Variants in INPP4B observed in about 807,000 individuals in gnomAD.
INPP4B encodes the protein inositol polyphosphate 4-phosphatase type II.
Under a neutral mutation model 122.5 loss-of-function variants are expected in INPP4B, and 55 were observed. The observed-to-expected ratio is 0.45, with a 90% CI of 0.36 to 0.56. INPP4B has a LOEUF of 0.56. Among genes scored for constraint, INPP4B ranks in the 20% least tolerant of loss-of-function variants. INPP4B has a pLI of 0.00. For missense variants in INPP4B, 1,000 were observed against 1,097.7 expected, an observed-to-expected ratio of 0.91 and a Z score of 1.26; for synonymous variants, 403 against 388.7, an observed-to-expected ratio of 1.04 and a Z score of -0.43.
At chr4:142,783,792 A>G (rs1580906688) in intron 1 of INPP4B, among the ~76,000 whole-genome samples, 1 of 152,132 alleles carries the variant, frequency 6.6e-6, no homozygotes, top group South Asian at 2.1e-4. Context: ...TTTCTTACCA[A>G]TTATTGAGGT....
At chr4:142,139,029 A>G (rs1159242865) in intron 18 of INPP4B, among the ~76,000 whole-genome samples, 3 of 152,050 alleles carry the variant, frequency 2.0e-5, no homozygotes, top group Non-Finnish European at 4.4e-5. Context: ...TAAGTCTTTT[A>G]TCTTGTAAGT....
intron 7 of INPP4B, among the ~76,000 whole-genome samples, chr4:142,385,007 T>C (rs1795485394): frequency 6.6e-6 from 1 of 152,200 alleles, no homozygotes; most frequent in South Asian, 2.1e-4. Flanking sequence ...ATCCAGTCTA[T>C]GGTTGATGGG....
intron 2 of INPP4B, chr4:142,473,285 G>C (rs1447153758): frequency 2.0e-5 from 3 of 152,364 alleles, no homozygotes; most frequent in African/African-American, 4.8e-5. Context: ...AACCACATCA[G>C]AATCCATCAA....
intron 7 of INPP4B, among the ~76,000 whole-genome samples, chr4:142,368,439 C>A (rs190944666): frequency 2.0e-5 from 3 of 152,038 alleles, no homozygotes; most frequent in Non-Finnish European, 4.4e-5. Flanking sequence ...ATAATAATGT[C>A]TTTTTCATCA....
intron 7 of INPP4B, among the ~76,000 whole-genome samples, chr4:142,392,780 T>C (rs1166017920): frequency 6.6e-6 from 1 of 152,244 alleles, no homozygotes; most frequent in Non-Finnish European, 1.5e-5. Flanking sequence ...GAAAAGTATC[T>C]GGGCAGCTGC....
At chr4:142,052,335 T>A (rs1342411505) in intron 25 of INPP4B, among the ~76,000 whole-genome samples, 1 of 152,056 alleles carries the variant, frequency 6.6e-6, no homozygotes, top group East Asian at 1.9e-4. Flanking sequence ...TAAACTAGCT[T>A]ATTTATTCCC....
At chr4:142,641,276 T>A (rs1185895101) in intron 2 of INPP4B, among the ~76,000 whole-genome samples, 1 of 152,102 alleles carries the variant, frequency 6.6e-6, no homozygotes, top group South Asian at 2.1e-4. Flanking sequence ...TCATTTTATA[T>A]ATATTTATTA....
chr4:142,517,344 C>T (rs1010046653), intron 2 of INPP4B, among the ~76,000 whole-genome samples: 3 of 152,058 alleles, frequency 2.0e-5, no homozygotes, highest in Non-Finnish European at 2.9e-5. Context: ...GTGTTGGTCT[C>T]TTTGAGTTGA....
At chr4:142,323,662 G>A (rs1009385191) in intron 7 of INPP4B, among the ~76,000 whole-genome samples, 5 of 151,692 alleles carry the variant, frequency 3.3e-5, no homozygotes, top group Admixed American at 2.0e-4. Flanking sequence ...AGCCAGGATG[G>A]TCTCAATCTC....
At chr4:142,697,319 A>G (rs2150745032) in intron 2 of INPP4B, among the ~76,000 whole-genome samples, 1 of 152,278 alleles carries the variant, frequency 6.6e-6, no homozygotes, top group African/African-American at 2.4e-5. Flanking sequence ...TTGCTCCCAG[A>G]AAAGCTACCT....
intron 22 of INPP4B, among the ~76,000 whole-genome samples, chr4:142,110,215 G>T (rs1164771300): frequency 6.6e-6 from 1 of 151,996 alleles, no homozygotes; most frequent in Non-Finnish European, 1.5e-5. Flanking sequence ...CTTTCCACAG[G>T]CACAAAGAAG....
chr4:142,051,448 C>T (rs1489280714), intron 25 of INPP4B, among the ~76,000 whole-genome samples: 1 of 151,852 alleles, frequency 6.6e-6, no homozygotes, highest in Non-Finnish European at 1.5e-5. Flanking sequence ...CTTCTGGGAG[C>T]TAGCAACATG....
chr4:142,232,340 G>T (rs1443966785), intron 12 of INPP4B, among the ~76,000 whole-genome samples: 2 of 152,048 alleles, frequency 1.3e-5, no homozygotes, highest in Admixed American at 6.6e-5. Flanking sequence ...CCAACAGCAT[G>T]TGCTTACTTC....
chr4:142,484,209 A>T (rs1820929225), intron 2 of INPP4B, among the ~76,000 whole-genome samples: 1 of 152,066 alleles, frequency 6.6e-6, no homozygotes, highest in African/African-American at 2.4e-5. Flanking sequence ...TTGAAAATTA[A>T]GATAACTTAC....
At chr4:142,773,513 T>C (rs1773405794) in intron 1 of INPP4B, among the ~76,000 whole-genome samples, 1 of 152,188 alleles carries the variant, frequency 6.6e-6, no homozygotes, top group South Asian at 2.1e-4. Context: ...ATACATTCGG[T>C]ATACTAGGAT....
intron 2 of INPP4B, among the ~76,000 whole-genome samples, chr4:142,488,664 G>A (rs1167828179): frequency 6.6e-6 from 1 of 151,842 alleles, no homozygotes; most frequent in Non-Finnish European, 1.5e-5. Flanking sequence ...AGAATTTATT[G>A]GCCTAAAGTT....
At chr4:142,612,908 A>T (rs767657617) in intron 2 of INPP4B, among the ~76,000 whole-genome samples, 1 of 152,182 alleles carries the variant, frequency 6.6e-6, no homozygotes, top group Non-Finnish European at 1.5e-5. Flanking sequence ...TGTCACTTAG[A>T]ACGAAAAGTT....
intron 2 of INPP4B, among the ~76,000 whole-genome samples, chr4:142,582,118 G>A (rs1735212556): frequency 6.6e-6 from 1 of 151,272 alleles, no homozygotes; most frequent in Non-Finnish European, 1.5e-5. Context: ...TGTTCTTACT[G>A]TAAAAACCCA....
intron 11 of INPP4B, among the ~76,000 whole-genome samples, chr4:142,245,942 A>G (rs1168258609): frequency 2.9e-4 from 7 of 24,542 alleles, no homozygotes; most frequent in Admixed American, 2.5e-3. Flanking sequence ...ATATATGTGT[A>G]TGTATACATA....
Sources: allele counts gnomAD v4.1 joint callset (sites outside exome capture counted in the v4.1 genomes callset), GRCh38; gene constraint gnomAD v4.1.1; transcripts MANE v1.5; gene names NCBI Gene and HGNC (gene_info 2026-07-23, HGNC 2026-07-21).